Variants in USP4 observed in about 807,000 individuals in gnomAD.
The protein encoded by USP4 is ubiquitin specific peptidase 4.
Under a neutral mutation model 118.2 loss-of-function variants are expected in USP4, and 72 were observed. That is an observed-to-expected ratio of 0.61 (90% CI 0.50 to 0.74). The LOEUF (loss-of-function observed/expected upper bound fraction) is 0.74. USP4 is among the 30% of genes least tolerant of loss of function. The pLI is 0.00. For synonymous variants in USP4, 415 were observed against 440.4 expected (o/e 0.94, Z 0.72); for missense variants, 1,037 against 1,185.7 (o/e 0.87, Z 1.84).
At chr3:49,292,790 G>A (rs533489931) in intron 14 of USP4, among the ~76,000 whole-genome samples, 192 bp from the exon 15 acceptor site, 1 of 152,308 alleles carries the variant, frequency 6.6e-6, no homozygotes, top group Non-Finnish European at 1.5e-5. Flanking sequence ...AGCACATTGG[G>A]AAGCCAAGGC....
chr3:49,289,318 A>C (rs971398334), intron 15 of USP4, among the ~76,000 whole-genome samples: 1 of 152,154 alleles, frequency 6.6e-6, no homozygotes, highest in African/African-American at 2.4e-5. Flanking sequence ...TCAAATTGTA[A>C]TTGCAGATCT....
At position 49,339,919 on chromosome 3, in the gene USP4, C is replaced by T; in HGVS notation, c.101+5G>A. Reference sequence around the variant, plus strand: ...GCATAGAGGAAGAGCGAGCCGGGAGCTCACCACTGCGCCCCGCGTTGGAGT... The same window carrying T: ...GCATAGAGGAAGAGCGAGCCGGGAGTTCACCACTGCGCCCCGCGTTGGAGT... On this transcript the variant is annotated splice_donor_5th_base_variant and intron_variant, in intron 1 of 21. Coordinates refer to ENST00000265560, the MANE Select transcript of USP4 (RefSeq NM_003363.4). 6.2e-7 allele frequency: 1 copy of T among 1,611,748 alleles called. No individual in the cohort carries two copies. The highest frequency in any genetic ancestry group is 8.5e-7 in the Non-Finnish European group (1 of 1,179,050).
rs189194080 is a variant in USP4 at position 49,284,054 on chromosome 3, G to A, written c.2473C>T (p.Leu825Phe). 5.6e-6 allele frequency: 9 copies of A among 1,614,252 alleles called. No homozygotes were observed. The highest frequency in any genetic ancestry group is 5.3e-5 in the African/African-American group (4 of 75,070). ...TATCTGTTGTAGGAGAAACGTTTGA[G>A]GTGGACCACCAGGATCTTGGGCAAG... ...WSLPKILVVH[L>F]KRFSYNRYWR... is the part of the protein sequence containing the mutation. The change falls in exon 19 of 22, where the codon CTC (leucine) becomes TTC (phenylalanine). Residue 825 changes from leucine to phenylalanine, a missense_variant. Coordinates refer to ENST00000265560, the MANE Select transcript of USP4 (RefSeq NM_003363.4).
At chr3:49,289,184 GTGAC>G (rs1375168848) in intron 15 of USP4, among the ~76,000 whole-genome samples, 4 of 152,180 alleles carry the variant, frequency 2.6e-5, no homozygotes, top group African/African-American at 9.7e-5. Flanking sequence ...GATTCAAAAG[GTGAC>G]ACTCATTGTC....
Position 49,277,968 on chromosome 3 carries a change from T to C in USP4, c.*325A>G. 1 of 427,508 alleles carries C rather than the reference T, an allele frequency of 2.3e-6. No homozygotes were observed. Among genetic ancestry groups the C allele is most frequent in the East Asian group, 3.5e-5 (1 of 28,374 alleles). 26.5% of individuals were successfully genotyped at this position (427,508 alleles called of 1,614,324 possible). On this transcript the variant is annotated 3_prime_UTR_variant, in exon 22 of 22. Coordinates refer to ENST00000265560, the MANE Select transcript of USP4 (RefSeq NM_003363.4). ...TGGGGTGGGTCTCCAGGCTGCTCCA[T>C]ACTCAGCGCCTGTGTTCCTCTCCAT...
chr3:49,296,541 C>T (rs1195074960), intron 13 of USP4, among the ~76,000 whole-genome samples: 3 of 150,984 alleles, frequency 2.0e-5, no homozygotes, highest in Admixed American at 6.6e-5. Flanking sequence ...CCCAGCTACT[C>T]GGGAGGCTGA....
intron 10 of USP4, 99 bp downstream of exon 10, chr3:49,302,285 C>T (rs765340863): frequency 5.7e-6 from 8 of 1,404,746 alleles, no homozygotes; most frequent in Non-Finnish European, 7.7e-6. Flanking sequence ...CAACCAGGGC[C>T]CTGGCAACAA....
Position 49,327,671 on chromosome 3 carries a change from A to C in USP4, c.360+15T>G, listed in dbSNP as rs755403414. On this transcript the variant is annotated intron_variant, in intron 3 of 21. Coordinates refer to ENST00000265560, the MANE Select transcript of USP4 (RefSeq NM_003363.4). ...CAGACAGTGACCAGCAGGTGGGACAATTCACATAACTCACTTTTCTGACGA... is the reference window on the plus strand; with the variant it reads ...CAGACAGTGACCAGCAGGTGGGACACTTCACATAACTCACTTTTCTGACGA... 7.4e-6 allele frequency: 12 copies of C among 1,613,946 alleles called. No individual in the cohort carries two copies. Among genetic ancestry groups the C allele is most frequent in the Non-Finnish European group, 1.0e-5 (12 of 1,179,868 alleles).
chr3:49,301,963 G>A lies in USP4; in HGVS notation c.1287+421C>T, dbSNP rs963409882. On this transcript the variant is annotated intron_variant, in intron 10 of 21. Coordinates refer to ENST00000265560, the MANE Select transcript of USP4 (RefSeq NM_003363.4). ...ACAATCTTAGGGGTCCTCACTATAG[G>A]TACTTTACAGTTTTCAGAGTGTTCT... Among the ~76,000 whole-genome samples, 8 of 152,098 alleles carry A rather than the reference G, an allele frequency of 5.3e-5. No homozygotes were observed. The East Asian group carries it at 1.4e-3, about 26-fold the overall frequency.
intron 15 of USP4, among the ~76,000 whole-genome samples, chr3:49,289,733 T>C (rs1036620295): frequency 6.6e-6 from 1 of 151,414 alleles, no homozygotes; most frequent in African/African-American, 2.4e-5. Flanking sequence ...TAGCCGGGCA[T>C]GGTGGTGGGC....
intron 15 of USP4, among the ~76,000 whole-genome samples, chr3:49,292,279 C>T (rs1174486980): frequency 6.7e-6 from 1 of 149,858 alleles, no homozygotes; most frequent in Non-Finnish European, 1.5e-5. Flanking sequence ...GGAATGAGAC[C>T]CCTATCTGGA....
intron 2 of USP4, among the ~76,000 whole-genome samples, chr3:49,329,175 T>G (rs889043688): frequency 6.6e-6 from 1 of 152,040 alleles, no homozygotes; most frequent in African/African-American, 2.4e-5. Flanking sequence ...AAACTCCATC[T>G]CAAAAAAAAT....
At position 49,302,373 on chromosome 3, in the gene USP4, T is replaced by C. The variant is rs376150663; in HGVS notation, c.1287+11A>G. ...TGGCATATTATCATTCAGACATCAT[T>C]AATGGCATACCGCATCTGGCCGCCC... is the stretch of plus-strand genomic sequence containing the variant. On this transcript the variant is annotated intron_variant, in intron 10 of 21. Transcript: ENST00000265560. 5.1e-4 allele frequency: 819 copies of C among 1,612,948 alleles called. No homozygotes were observed. Among genetic ancestry groups the C allele is most frequent in the Middle Eastern group, 8.3e-4 (5 of 6,046 alleles).
intron 6 of USP4, chr3:49,318,615 A>C (rs2047466380): frequency 1.0e-6 from 1 of 985,284 alleles, no homozygotes; most frequent in African/African-American, 1.7e-5. Flanking sequence ...AGACAATTAA[A>C]TATAAACAAC....
chr3:49,288,877 A>G (rs1240055802), intron 15 of USP4, among the ~76,000 whole-genome samples: 2 of 152,178 alleles, frequency 1.3e-5, no homozygotes, highest in Non-Finnish European at 2.9e-5. Context: ...TGGGAGGTTG[A>G]GGCAGATGGA....
At chr3:49,339,640 AC>A (rs1032551706) in intron 1 of USP4, among the ~76,000 whole-genome samples, 25 of 151,906 alleles carry the variant, frequency 1.6e-4, no homozygotes, top group African/African-American at 6.0e-4. Flanking sequence ...GGCTCTCCCC[AC>A]CCTTAGGGTC....
Position 49,284,939 on chromosome 3 carries a change from C to T in USP4, c.2201-20G>A, listed in dbSNP as rs1196879131. The T allele has an allele frequency of 6.7e-7, 1 of 1,500,322 alleles. No homozygotes were observed. Among genetic ancestry groups the T allele is most frequent in the Non-Finnish European group, 8.9e-7 (1 of 1,123,286 alleles). 92.9% of individuals were successfully genotyped at this position (1,500,322 alleles called of 1,614,324 possible). A position where few individuals can be genotyped will look rare whatever the true frequency, so the allele number is the denominator to read the frequency against. Reference sequence around the variant, plus strand: ...ATCGAGCTGAGGAGGACCAAAATGTCACTTGTTATGGAATGGCAAGCAACA... The same window carrying T: ...ATCGAGCTGAGGAGGACCAAAATGTTACTTGTTATGGAATGGCAAGCAACA... On this transcript the variant is annotated intron_variant, in intron 16 of 21. Coordinates refer to ENST00000265560, the MANE Select transcript of USP4 (RefSeq NM_003363.4).
In USP4 at chr3:49,277,888, TG is replaced by T. The variant is rs2046979517; in HGVS notation, c.*404del. Reference sequence around the variant, plus strand: ...GTTACTGTGAGCAGACTACTTGGGGTGACTAGTATTGGCATCAGAACCAGAA... The same window carrying T: ...GTTACTGTGAGCAGACTACTTGGGGTACTAGTATTGGCATCAGAACCAGAA... On this transcript the variant is annotated 3_prime_UTR_variant, in exon 22 of 22. Transcript: ENST00000265560. 1 of 371,418 alleles carries T rather than the reference TG, an allele frequency of 2.7e-6. No individual in the cohort carries two copies. Among genetic ancestry groups the T allele is most frequent in the Non-Finnish European group, 4.8e-6 (1 of 210,306 alleles). The allele number at this position is 371,418 out of a possible 1,614,324, so 23.0% of individuals were successfully genotyped here.
At chr3:49,280,482 A>C (rs1400200148) in intron 20 of USP4, among the ~76,000 whole-genome samples, 1 of 150,444 alleles carries the variant, frequency 6.6e-6, no homozygotes, top group Admixed American at 6.7e-5. Flanking sequence ...AATGGCGTGA[A>C]CCTGGGAGGC....
Sources: allele counts gnomAD v4.1 joint callset (sites outside exome capture counted in the v4.1 genomes callset), GRCh38; gene constraint gnomAD v4.1.1; transcripts MANE v1.5; gene names NCBI Gene and HGNC (gene_info 2026-07-23, HGNC 2026-07-21).